The following THSD4 variants were observed in gnomAD, a reference collection of about 807,000 sequenced individuals.
THSD4 encodes the protein thrombospondin type 1 domain containing 4.
A neutral mutation model predicts 119.0 loss-of-function variants in THSD4; 69 were observed. The observed-to-expected ratio is 0.58, with a 90% CI of 0.48 to 0.71. THSD4 has a LOEUF of 0.71. Ranked by LOEUF, THSD4 falls within the 30% of genes least tolerant of loss-of-function variation. THSD4 has a pLI of 0.00. For synonymous variants in THSD4, 524 were observed against 540.4 expected (o/e 0.97, Z 0.42); for missense variants, 1,393 against 1,391.1 (o/e 1.00, Z -0.02).
At chr15:71,206,786 T>C (rs2043847079) in intron 3 of THSD4, among the ~76,000 whole-genome samples, 1 of 152,240 alleles carries the variant, frequency 6.6e-6, no homozygotes, top group Non-Finnish European at 1.5e-5. Context: ...ACTCTGTGCC[T>C]CCCACTCTCC....
At chr15:71,647,888 G>A (rs545352227) in intron 7 of THSD4, among the ~76,000 whole-genome samples, 22 of 152,288 alleles carry the variant, frequency 1.4e-4, no homozygotes, top group Non-Finnish European at 2.2e-4. Context: ...GCCAGGCCTC[G>A]TGGGAGGGGA....
Position 71,534,159 on chromosome 15 carries a change from G to A in THSD4, c.1152+122336G>A, listed in dbSNP as rs536198809. 9.5e-4 allele frequency among the ~76,000 whole-genome samples: 144 copies of A among 152,130 alleles called. 1 individual carries two copies. Among genetic ancestry groups the A allele is most frequent in the Non-Finnish European group, 1.6e-3 (108 of 68,000 alleles). ...GAGACAGAGTCTCACTATGTTGCCCGTGCTGGTCTCTAACTCCTGGGCTCA... is the reference window on the plus strand; with the variant it reads ...GAGACAGAGTCTCACTATGTTGCCCATGCTGGTCTCTAACTCCTGGGCTCA... On this transcript the variant is annotated intron_variant, in intron 7 of 17. Coordinates refer to ENST00000261862, the MANE Select transcript of THSD4 (RefSeq NM_024817.3).
intron 6 of THSD4, among the ~76,000 whole-genome samples, chr15:71,271,789 C>A (rs2044533436): frequency 6.6e-6 from 1 of 152,114 alleles, no homozygotes; most frequent in Non-Finnish European, 1.5e-5. Flanking sequence ...TTTCTAGTTT[C>A]TCTCTTTTAT....
At chr15:71,291,547 G>A (rs1445212731) in intron 6 of THSD4, among the ~76,000 whole-genome samples, 2 of 152,178 alleles carry the variant, frequency 1.3e-5, no homozygotes, top group Non-Finnish European at 2.9e-5. Flanking sequence ...ACTTGAGGGA[G>A]GGTCAGCCTT....
chr15:71,271,751 A>G (rs2044532931), intron 6 of THSD4, among the ~76,000 whole-genome samples: 1 of 152,074 alleles, frequency 6.6e-6, no homozygotes. Flanking sequence ...AGCTAGTATT[A>G]ATGTCACATT....
At chr15:71,128,788 T>C (rs1208769782) in intron 1 of THSD4, among the ~76,000 whole-genome samples, 1 of 152,188 alleles carries the variant, frequency 6.6e-6, no homozygotes, top group Non-Finnish European at 1.5e-5. Flanking sequence ...AATGAGTGTT[T>C]CTGGTTTTAA....
At chr15:71,520,606 A>G (rs2048425887) in intron 7 of THSD4, among the ~76,000 whole-genome samples, 2 of 152,322 alleles carry the variant, frequency 1.3e-5, no homozygotes, top group South Asian at 4.1e-4. Flanking sequence ...GTTTGGAGAT[A>G]ATAATAGATA....
chr15:71,405,441 A>G (rs76937148), intron 6 of THSD4, among the ~76,000 whole-genome samples: 3,455 of 152,278 alleles, frequency 0.023, 127 homozygotes, highest in African/African-American at 0.08. Flanking sequence ...CATTTGTTGC[A>G]AACAGTATTT....
At chr15:71,612,528 G>GCTGTT (rs1047434816) in intron 7 of THSD4, among the ~76,000 whole-genome samples, 35 of 152,210 alleles carry the variant, frequency 2.3e-4, no homozygotes, top group African/African-American at 8.2e-4. Flanking sequence ...ACACTGTTAG[G>GCTGTT]CTGTTTTCTG....
intron 1 of THSD4, among the ~76,000 whole-genome samples, chr15:71,129,764 G>A (rs1309314519): frequency 6.6e-6 from 1 of 152,112 alleles, no homozygotes; most frequent in Non-Finnish European, 1.5e-5. Context: ...TTTGGCATAC[G>A]TTGCACAGTG....
intron 6 of THSD4, among the ~76,000 whole-genome samples, chr15:71,312,920 T>C (rs968478462): frequency 6.6e-5 from 10 of 152,234 alleles, no homozygotes; most frequent in African/African-American, 2.4e-4. Context: ...TCTGAAACTT[T>C]TGGAGTTGGT....
At chr15:71,686,136 C>CATT (rs1339647616) in intron 8 of THSD4, among the ~76,000 whole-genome samples, 11 of 152,132 alleles carry the variant, frequency 7.2e-5, no homozygotes, top group African/African-American at 2.4e-4. Context: ...AGTTCAGTGG[C>CATT]ATTAAGCACA....
At chr15:71,756,427 G>T in intron 14 of THSD4, among the ~76,000 whole-genome samples, 1 of 152,270 alleles carries the variant, frequency 6.6e-6, no homozygotes, top group Non-Finnish European at 1.5e-5. Context: ...CGGTGGTGAA[G>T]GTGTACATGC....
chr15:71,541,680 A>G (rs1187480554), intron 7 of THSD4, among the ~76,000 whole-genome samples: 1 of 152,206 alleles, frequency 6.6e-6, no homozygotes, highest in East Asian at 1.9e-4. Flanking sequence ...GATGTCACAA[A>G]TTATTCAATT....
chr15:71,181,530 A>T (rs1337608148), intron 3 of THSD4, among the ~76,000 whole-genome samples: 1 of 152,086 alleles, frequency 6.6e-6, no homozygotes, highest in East Asian at 1.9e-4. Context: ...TCCCCTTCAA[A>T]TCTCTGACTT....
At chr15:71,567,285 A>C (rs180923594) in intron 7 of THSD4, among the ~76,000 whole-genome samples, 7 of 152,228 alleles carry the variant, frequency 4.6e-5, no homozygotes, top group Admixed American at 4.6e-4. Flanking sequence ...CAAGGACCTG[A>C]GTGCCAGTGG....
At chr15:71,607,160 G>A (rs1187798411) in intron 7 of THSD4, among the ~76,000 whole-genome samples, 1 of 152,152 alleles carries the variant, frequency 6.6e-6, no homozygotes, top group Non-Finnish European at 1.5e-5. Context: ...ATGGATCCAG[G>A]AGTCTCTGAC....
chr15:71,574,280 TC>T (rs1474690307), intron 7 of THSD4, among the ~76,000 whole-genome samples: 2 of 152,178 alleles, frequency 1.3e-5, no homozygotes, highest in African/African-American at 2.4e-5. Context: ...TATGATAGGC[TC>T]AAGTTTTGAA....
chr15:71,219,529 G>A (rs1426246339), intron 4 of THSD4, among the ~76,000 whole-genome samples: 1 of 152,138 alleles, frequency 6.6e-6, no homozygotes, highest in Non-Finnish European at 1.5e-5. Flanking sequence ...TATGTTCTAC[G>A]TTTCTTCATT....
Sources: gnomAD v4.1 joint callset for allele counts (sites outside exome capture counted in the v4.1 genomes callset) on GRCh38, gnomAD v4.1.1 for gene constraint, MANE v1.5 for transcripts, NCBI Gene and HGNC (gene_info 2026-07-23, HGNC 2026-07-21) for gene names.